Variants in U2SURP observed in about 807,000 individuals in gnomAD.
U2SURP encodes U2 snRNP-associated SURP motif-containing protein.
A neutral mutation model predicts 144.9 loss-of-function variants in U2SURP; 9 were observed. The ratio of observed to expected loss-of-function variants is 0.06; its 90% confidence interval spans 0.04 to 0.11. U2SURP has a LOEUF of 0.11. Ranked by LOEUF, U2SURP falls within the 10% of genes least tolerant of loss-of-function variation. The pLI is 1.00. For synonymous variants in U2SURP, 408 were observed against 396.8 expected (o/e 1.03, Z -0.33); for missense variants, 724 against 1,226.7 (o/e 0.59, Z 6.12).
At chr3:143,051,385 A>G (rs1327261459) in intron 25 of U2SURP, among the ~76,000 whole-genome samples, 1 of 152,168 alleles carries the variant, frequency 6.6e-6, no homozygotes, top group Non-Finnish European at 1.5e-5. Flanking sequence ...TAGTACAGAA[A>G]GAAAAAGATG....
At chr3:143,017,065 C>T (rs1397585994) in intron 6 of U2SURP, 90 bp downstream of exon 6, 5 of 1,344,026 alleles carry the variant, frequency 3.7e-6, no homozygotes, top group South Asian at 1.9e-5. Flanking sequence ...GGCTTTTTTT[C>T]GTTTTTGGTG....
In U2SURP at chr3:143,060,686, C is replaced by T. The variant is rs1385062511; in HGVS notation, c.*4236C>T. The T allele has an allele frequency of 5.3e-5, 8 of 151,994 alleles. No individual in the cohort carries two copies. The highest frequency in any genetic ancestry group is 5.2e-4 in the Admixed American group (8 of 15,248). The allele number at this position is 151,994 out of a possible 1,614,324, so 9.4% of individuals were successfully genotyped here. Reference sequence around the variant, plus strand: ...GTTATGGCTAAAATGTTACACTTTACATGTTTAAACTATAATCATATGTTT... The same window carrying T: ...GTTATGGCTAAAATGTTACACTTTATATGTTTAAACTATAATCATATGTTT... On this transcript the variant is annotated 3_prime_UTR_variant, in exon 28 of 28. Coordinates refer to ENST00000473835, the MANE Select transcript of U2SURP (RefSeq NM_001080415.2).
intron 20 of U2SURP, 26 bp from the exon 21 acceptor site, chr3:143,037,153 T>C (rs1404813454): frequency 6.2e-7 from 1 of 1,600,204 alleles, no homozygotes; most frequent in Admixed American, 1.7e-5. Flanking sequence ...CAAAGGAAAA[T>C]GTTATAATAG....
intron 24 of U2SURP, among the ~76,000 whole-genome samples, chr3:143,048,237 CT>C (rs1934648474): frequency 6.6e-6 from 1 of 152,202 alleles, no homozygotes; most frequent in Non-Finnish European, 1.5e-5. Context: ...TTCTGTGTGT[CT>C]TGGACTTGTG....
chr3:143,054,974 T>C lies in U2SURP; in HGVS notation c.2806T>C (p.Ser936Pro), dbSNP rs1935068922. ...GCGACACAGTACATCCCCCAGCCCATCTCGCAGTAGCAGTGGTAGACGAGT... is the reference window on the plus strand; with the variant it reads ...GCGACACAGTACATCCCCCAGCCCACCTCGCAGTAGCAGTGGTAGACGAGT... ...KRRHSTSPSPSRSSSGRRVKS... is the reference protein window; with the variant it reads ...KRRHSTSPSPPRSSSGRRVKS... The change falls in exon 27 of 28, where the codon TCT (serine) becomes CCT (proline). Residue 936 changes from serine (S) to proline (P), a missense_variant. Physicochemically the swap from Ser to Pro is moderately conservative, Grantham distance 74 (BLOSUM62 -1). Coordinates refer to ENST00000473835, the MANE Select transcript of U2SURP (RefSeq NM_001080415.2). 1 of 1,609,348 alleles carries C rather than the reference T, an allele frequency of 6.2e-7. No individual in the cohort carries two copies. The highest frequency in any genetic ancestry group is 8.5e-7 in the Non-Finnish European group (1 of 1,178,146).
chr3:143,046,989 G>A (rs1260897561), intron 24 of U2SURP, among the ~76,000 whole-genome samples: 34 of 96,414 alleles, frequency 3.5e-4, no homozygotes, highest in East Asian at 7.5e-4. Context: ...CGGCTGGCCG[G>A]GCGGGGGGCT....
chr3:143,016,801 A>G, intron 5 of U2SURP, 41 bp from the exon 6 acceptor site: 2 of 1,471,742 alleles, frequency 1.4e-6, no homozygotes, highest in Non-Finnish European at 1.8e-6. Flanking sequence ...AAAGAAAAAT[A>G]TTGCGAAATT....
chr3:143,057,304 A>G lies in U2SURP; in HGVS notation c.*854A>G, dbSNP rs1236122765. On this transcript the variant is annotated 3_prime_UTR_variant, in exon 28 of 28. Coordinates refer to ENST00000473835, the MANE Select transcript of U2SURP (RefSeq NM_001080415.2). ...AGGTTTGGCCATAGAATTCTCTTGT[A>G]TGATCGTTGACCTTTTATAATCTTC... 1 of 152,388 alleles carries G rather than the reference A, an allele frequency of 6.6e-6. No homozygotes were observed. The highest frequency in any genetic ancestry group is 1.5e-5 in the Non-Finnish European group (1 of 67,866). 9.4% of individuals were successfully genotyped at this position (152,388 alleles called of 1,614,324 possible).
intron 24 of U2SURP, among the ~76,000 whole-genome samples, chr3:143,043,951 G>C (rs986014683): frequency 6.6e-5 from 10 of 151,620 alleles, no homozygotes; most frequent in Non-Finnish European, 1.5e-4. Context: ...GACAGGGATT[G>C]ACCGTGTTAG....
intron 18 of U2SURP, 135 bp from the exon 19 acceptor site, chr3:143,034,753 C>T: frequency 1.7e-6 from 1 of 601,938 alleles, no homozygotes; most frequent in Non-Finnish European, 2.9e-6. Context: ...AGTTTAAACA[C>T]CTAGTTTTTG....
rs1164329630 is a variant in U2SURP, at chr3:143,032,838, T to A, written c.1665T>A (p.Asp555Glu). ...ILRGLTPRKNDIGDAMVFCLN... is the reference protein window; with the variant it reads ...ILRGLTPRKNEIGDAMVFCLN... Reference sequence around the variant, plus strand: ...GGGGATTAACTCCAAGGAAAAATGATATTGGAGATGCAATGGTTTTCTGTC... The same window carrying A: ...GGGGATTAACTCCAAGGAAAAATGAAATTGGAGATGCAATGGTTTTCTGTC... Residue 555 changes from aspartate (D) to glutamate (E), a missense_variant, in exon 17 of 28, where the codon GAT becomes GAA. Asp to Glu is a conservative substitution (Grantham distance 45). This residue lies in a region of U2SURP where 66 missense variants were observed against 95.0 expected (regional missense o/e 0.69). Coordinates refer to ENST00000473835, the MANE Select transcript of U2SURP (RefSeq NM_001080415.2). 3.7e-6 allele frequency: 6 copies of A among 1,613,570 alleles called. No individual in the cohort carries two copies. Among genetic ancestry groups the A allele is most frequent in the Non-Finnish European group, 4.2e-6 (5 of 1,179,624 alleles).
rs1933197946 is a variant in U2SURP, at chr3:143,027,082, A to T, written c.1275-67A>T. 5.1e-6 allele frequency: 6 copies of T among 1,178,950 alleles called. No homozygotes were observed. The Admixed American group carries it at 1.1e-4, about 22-fold the overall frequency. The allele number at this position is 1,178,950 out of a possible 1,614,324, so 73.0% of individuals were successfully genotyped here. On this transcript the variant is annotated intron_variant, in intron 13 of 27. Coordinates refer to ENST00000473835, the MANE Select transcript of U2SURP (RefSeq NM_001080415.2). ...ATTTTCTGCACAATTATAGTAACTT[A>T]GGTCAAGTGTAGTTTTATATAGTGG...
intron 6 of U2SURP, 58 bp from the exon 7 acceptor site, chr3:143,019,911 G>A (rs1936552686): frequency 1.1e-6 from 1 of 929,208 alleles, no homozygotes; most frequent in East Asian, 3.0e-5. Context: ...TCTTATTATT[G>A]AATCATTGGT....
chr3:143,017,136 G>T (rs1578123313), intron 6 of U2SURP, 161 bp downstream of exon 6: 1 of 536,664 alleles, frequency 1.9e-6, no homozygotes, highest in East Asian at 3.5e-5. Context: ...ACTTAGATGA[G>T]AGTTAATGAA....
chr3:143,058,896 G>C lies in U2SURP; in HGVS notation c.*2446G>C. 6.6e-6 allele frequency: 1 copy of C among 151,972 alleles called. No homozygotes were observed. Among genetic ancestry groups the C allele is most frequent in the South Asian group, 2.1e-4 (1 of 4,820 alleles). 9.4% of individuals were successfully genotyped at this position (151,972 alleles called of 1,614,324 possible). On this transcript the variant is annotated 3_prime_UTR_variant, in exon 28 of 28. Coordinates refer to ENST00000473835, the MANE Select transcript of U2SURP (RefSeq NM_001080415.2). ...ACTTACTGTCCTCTACCACAGCTAC[G>C]TGCCAGAGTTGTTTTCCACAGTTCT...
chr3:143,042,605 C>T (rs867419973), intron 23 of U2SURP, among the ~76,000 whole-genome samples: 4 of 152,100 alleles, frequency 2.6e-5, no homozygotes, highest in Non-Finnish European at 2.9e-5. Flanking sequence ...ACCCCCCTCC[C>T]ATCCTTCCAT....
At position 143,058,345 on chromosome 3, in the gene U2SURP, A is replaced by G. The variant is rs1935243935; in HGVS notation, c.*1895A>G. The G allele has an allele frequency of 6.6e-6, 1 of 151,834 alleles. No homozygotes were observed. The highest frequency in any genetic ancestry group is 2.1e-4 in the South Asian group (1 of 4,822). The allele number at this position is 151,834 out of a possible 1,614,324, so 9.4% of individuals were successfully genotyped here. The stretch of plus-strand genomic sequence containing the variant: ...TCTTCAAAAAAAGACATCCTGCGGG[A>G]TTGAGTAGAAAATTTTAGGTCAGTT... On this transcript the variant is annotated 3_prime_UTR_variant, in exon 28 of 28. Coordinates refer to ENST00000473835, the MANE Select transcript of U2SURP (RefSeq NM_001080415.2).
intron 18 of U2SURP, among the ~76,000 whole-genome samples, chr3:143,033,612 T>A (rs1055855236): frequency 2.0e-5 from 3 of 152,168 alleles, no homozygotes; most frequent in African/African-American, 7.2e-5. Flanking sequence ...ACATAGCATT[T>A]ACATTGTATT....
chr3:143,043,384 C>T (rs1578159143), intron 24 of U2SURP, 108 bp downstream of exon 24: 2 of 1,156,464 alleles, frequency 1.7e-6, no homozygotes, highest in Non-Finnish European at 2.4e-6. Context: ...TTCCTTCTCT[C>T]TGCTTAGAAC....
Sources: allele counts gnomAD v4.1 joint callset (sites outside exome capture counted in the v4.1 genomes callset), GRCh38; gene constraint gnomAD v4.1.1; regional missense constraint gnomAD v4.1.1; transcripts MANE v1.5; gene names NCBI Gene and HGNC (gene_info 2026-07-23, HGNC 2026-07-21).